CPS1: variants seen among roughly 807,000 people sequenced by gnomAD.
The protein encoded by CPS1 is carbamoyl-phosphate synthase 1.
Under a neutral mutation model 174.6 loss-of-function variants are expected in CPS1, and 109 were observed. The ratio of observed to expected loss-of-function variants is 0.62; its 90% CI spans 0.53 to 0.73. The LOEUF (loss-of-function observed/expected upper bound fraction) is 0.73, where lower values mean the gene tolerates loss of function less well. CPS1 is among the 30% of genes least tolerant of loss of function. CPS1 has a pLI of 0.00. For synonymous variants in CPS1, 637 were observed against 632.0 expected, an observed-to-expected ratio of 1.01 and a Z score of -0.12; for missense variants, 1,689 against 1,821.9, an observed-to-expected ratio of 0.93 and a Z score of 1.33.
At chr2:210,598,368 C>A (rs548455819) in intron 13 of CPS1, among the ~76,000 whole-genome samples, 1 of 151,894 alleles carries the variant, frequency 6.6e-6, no homozygotes, top group South Asian at 2.1e-4. Flanking sequence ...TCAATACTAA[C>A]CTTGAATATA....
At chr2:210,533,845 T>G (rs1696178843) in intron 1 of CPS1, among the ~76,000 whole-genome samples, 1 of 152,178 alleles carries the variant, frequency 6.6e-6, no homozygotes, top group Non-Finnish European at 1.5e-5. Context: ...CAAATGATCA[T>G]TCATAAACAC....
At chr2:210,653,882 A>C in intron 28 of CPS1, 143 bp from the exon 29 acceptor site, 2 of 703,356 alleles carry the variant, frequency 2.8e-6, no homozygotes, top group Non-Finnish European at 5.2e-6. Flanking sequence ...CAGATTAGGT[A>C]ATGAGTTTAT....
At chr2:210,639,055 A>T (rs1353560038) in intron 22 of CPS1, 95 bp from the exon 23 acceptor site, 1 of 887,014 alleles carries the variant, frequency 1.1e-6, no homozygotes, top group Non-Finnish European at 1.8e-6. Flanking sequence ...AGTAATAGGA[A>T]TTAAAGGAAT....
chr2:210,634,121 A>T (rs1168519012), intron 21 of CPS1, among the ~76,000 whole-genome samples: 1 of 152,154 alleles, frequency 6.6e-6, no homozygotes, highest in South Asian at 2.1e-4. Flanking sequence ...TTCTAAAACA[A>T]ATAACAACAA....
intron 28 of CPS1, among the ~76,000 whole-genome samples, chr2:210,652,242 A>G (rs1209209957): frequency 1.3e-5 from 2 of 152,206 alleles, no homozygotes; most frequent in Non-Finnish European, 1.5e-5. Flanking sequence ...CTGATTATTA[A>G]TGATGGTGCA....
rs139818667 is a variant in CPS1, at chr2:210,594,598, C to G, written c.1255C>G (p.Arg419Gly). The change falls in exon 12 of 38, where the codon CGG becomes GGG. Residue 419 changes from arginine to glycine, a missense_variant. Transcript: ENST00000233072. ...VLPKPALVAS[R>G]VEVSKVLILG... ...ACCGAAGCCAGCACTAGTTGCATCTCGGGTTGAGGTCAGTATGTGGGCTTA... is the reference window on the plus strand; with the variant it reads ...ACCGAAGCCAGCACTAGTTGCATCTGGGGTTGAGGTCAGTATGTGGGCTTA... The G allele has an allele frequency of 6.2e-7, 1 of 1,609,240 alleles. No individual in the cohort carries two copies. The highest frequency in any genetic ancestry group is 1.3e-5 in the African/African-American group (1 of 74,650).
chr2:210,641,813 A>T (rs183410965), intron 24 of CPS1, among the ~76,000 whole-genome samples: 87 of 152,370 alleles, frequency 5.7e-4, no homozygotes, highest in African/African-American at 1.9e-3. Context: ...ACAATATCTT[A>T]ATGCAAAGAA....
intron 11 of CPS1, 76 bp from the exon 12 acceptor site, chr2:210,594,432 A>G: frequency 1.0e-6 from 1 of 956,608 alleles, no homozygotes; most frequent in Non-Finnish European, 1.6e-6. Context: ...TTCAAATTTA[A>G]CTGGGTATAT....
intron 1 of CPS1, among the ~76,000 whole-genome samples, chr2:210,498,992 T>A (rs77397542): frequency 0.016 from 2,479 of 152,234 alleles, 29 homozygotes; most frequent in Non-Finnish European, 0.025. Flanking sequence ...GAGTGGATGC[T>A]CCAAATGCCT....
intron 1 of CPS1, among the ~76,000 whole-genome samples, chr2:210,545,059 G>A (rs1024967923): frequency 4.6e-5 from 7 of 152,024 alleles, no homozygotes; most frequent in African/African-American, 1.2e-4. Context: ...GAAGAAACAC[G>A]GAGCCCAGTA....
intron 1 of CPS1, among the ~76,000 whole-genome samples, chr2:210,544,955 T>C (rs1696523645): frequency 6.6e-6 from 1 of 151,956 alleles, no homozygotes; most frequent in Non-Finnish European, 1.5e-5. Flanking sequence ...AGGCCTCTCA[T>C]CCTATTGGTA....
intron 1 of CPS1, among the ~76,000 whole-genome samples, chr2:210,505,700 C>T (rs1452426314): frequency 6.6e-6 from 1 of 152,174 alleles, no homozygotes; most frequent in Non-Finnish European, 1.5e-5. Flanking sequence ...TAACACTTTG[C>T]TTTTCCAACC....
chr2:210,520,190 A>G (rs1263208318), intron 1 of CPS1, among the ~76,000 whole-genome samples: 1 of 152,062 alleles, frequency 6.6e-6, no homozygotes, highest in Non-Finnish European at 1.5e-5. Flanking sequence ...ATTGACATCC[A>G]ATAAATTTTA....
intron 28 of CPS1, among the ~76,000 whole-genome samples, chr2:210,651,283 G>T (rs942149501): frequency 1.3e-5 from 2 of 152,132 alleles, no homozygotes; most frequent in African/African-American, 2.4e-5. Flanking sequence ...CACACATGAC[G>T]CTGGATCGCT....
chr2:210,617,189 A>T (rs1285258651), intron 21 of CPS1, among the ~76,000 whole-genome samples: 2 of 151,996 alleles, frequency 1.3e-5, no homozygotes, highest in Non-Finnish European at 2.9e-5. Flanking sequence ...TAAATTTTTC[A>T]TGGGAAACTG....
Position 210,635,346 on chromosome 2 carries a change from C to T in CPS1, c.2688-2356C>T, listed in dbSNP as rs370276680. Among the ~76,000 whole-genome samples the T allele has an allele frequency of 6.6e-4, 100 of 152,290 alleles. 1 individual carries two copies. The South Asian group carries it at 0.02, about 30-fold the overall frequency. ...ATCTTTCTCTGGCCTCACGTAGCAC[C>T]ACATAGCTTATCCCTCCATAAAGTG... On this transcript the variant is annotated intron_variant, in intron 21 of 37. Transcript: ENST00000233072.
intron 1 of CPS1, among the ~76,000 whole-genome samples, chr2:210,490,436 C>T (rs183957679): frequency 1.3e-5 from 2 of 152,184 alleles, no homozygotes; most frequent in East Asian, 1.9e-4. Flanking sequence ...TTAATAAATC[C>T]ATAAGTATGT....
rs902555309 is a variant in CPS1, at chr2:210,654,101, G to A, written c.3557G>A (p.Arg1186Lys). 13 of 1,613,636 alleles carry A rather than the reference G, an allele frequency of 8.1e-6. No individual in the cohort carries two copies. The highest frequency in any genetic ancestry group is 1.3e-5 in the African/African-American group (1 of 74,912). ...VEMDAVGKDGRVISHAISEHV... is the reference protein window; with the variant it reads ...VEMDAVGKDGKVISHAISEHV... ...ATGGACGCTGTTGGCAAAGATGGAA[G>A]GGTAAGTGCTTTATTCTCATCTCCT... The change falls in exon 29 of 38, where the codon AGG becomes AAG. Residue 1186 changes from arginine to lysine, a missense_variant and splice_region_variant. Transcript: ENST00000233072.
chr2:210,592,498 C>G (rs1698341276), intron 10 of CPS1, among the ~76,000 whole-genome samples: 1 of 151,908 alleles, frequency 6.6e-6, no homozygotes, highest in Non-Finnish European at 1.5e-5. Flanking sequence ...TTACTTGGCA[C>G]TGGTGTAGTG....
Sources: allele counts gnomAD v4.1 joint callset (sites outside exome capture counted in the v4.1 genomes callset), GRCh38; gene constraint gnomAD v4.1.1; transcripts MANE v1.5; gene names NCBI Gene and HGNC (gene_info 2026-07-23, HGNC 2026-07-21).